The following PIK3R3 variants were observed in gnomAD, a reference collection of about 807,000 sequenced individuals.
The protein encoded by PIK3R3 is phosphatidylinositol 3-kinase regulatory subunit gamma.
Under a neutral mutation model 62.9 loss-of-function variants are expected in PIK3R3, and 64 were observed. That is an observed-to-expected ratio of 1.02 (90% CI 0.83 to 1.25). The LOEUF is 1.25. Among genes scored for constraint, PIK3R3 ranks in the 50% most tolerant of loss-of-function variants. PIK3R3 has a pLI of 0.00. For missense variants in PIK3R3, 614 were observed against 561.6 expected (o/e 1.09, Z -0.94); for synonymous variants, 165 against 189.0 (o/e 0.87, Z 1.04).
chr1:46,065,413 T>C (rs1284232912), intron 5 of PIK3R3, among the ~76,000 whole-genome samples: 1 of 152,234 alleles, frequency 6.6e-6, no homozygotes, highest in Non-Finnish European at 1.5e-5. Flanking sequence ...CTAAGTCTAC[T>C]AGTAAGCCCA....
At chr1:46,172,301 C>T in the PIK3R3 span, among the ~76,000 whole-genome samples, 1 of 152,264 alleles carries the variant, frequency 6.6e-6, no homozygotes, top group East Asian at 1.9e-4. Flanking sequence ...TGGCCTGCCT[C>T]CCAGGGATTG....
chr1:46,161,728 A>C, the PIK3R3 span, among the ~76,000 whole-genome samples: 1 of 152,126 alleles, frequency 6.6e-6, no homozygotes, highest in African/African-American at 2.4e-5. Context: ...TCTGGGCAAC[A>C]GAACAAGACC....
In PIK3R3 at chr1:46,132,011, T is replaced by C. The variant is rs1204709448; in HGVS notation, c.-59A>G. ...TAGAAGGCATATATTTTTTATCTGG[T>C]ATTTAAAAATCTAAAAATATATATC... On this transcript the variant is annotated 5_prime_UTR_variant, in exon 1 of 10. In the 5' UTR this introduces an upstream ATG that the reference lacks. Transcript: ENST00000262741. 7.6e-6 allele frequency: 12 copies of C among 1,583,526 alleles called. No homozygotes were observed. The highest frequency in any genetic ancestry group is 2.8e-5 in the African/African-American group (2 of 72,718).
intron 1 of PIK3R3, among the ~76,000 whole-genome samples, chr1:46,112,725 G>A (rs188463646): frequency 5.9e-5 from 9 of 152,026 alleles, no homozygotes; most frequent in Admixed American, 2.0e-4. Flanking sequence ...ACTATCATCC[G>A]CTCTAGTCCC....
intron 1 of PIK3R3, among the ~76,000 whole-genome samples, chr1:46,125,796 T>C (rs1655038793): frequency 6.6e-6 from 1 of 151,722 alleles, no homozygotes; most frequent in Admixed American, 6.6e-5. Flanking sequence ...AGTCTTACTC[T>C]GTTGCCCAGG....
chr1:46,125,225 C>T lies in PIK3R3; in HGVS notation c.106+6622G>A, dbSNP rs72677551. ...ACTTCTAGTGAAACATAGTTGGATA[C>T]ACTATACATTATAATATATTAAATG... On this transcript the variant is annotated intron_variant, in intron 1 of 9. Transcript: ENST00000262741. 7.5e-3 allele frequency among the ~76,000 whole-genome samples: 1,143 copies of T among 152,068 alleles called. 12 individuals carry two copies. Among genetic ancestry groups the T allele is most frequent in the South Asian group, 0.036 (172 of 4,814 alleles).
intron 1 of PIK3R3, among the ~76,000 whole-genome samples, chr1:46,092,449 C>T (rs193162334): frequency 5.3e-4 from 80 of 152,248 alleles, no homozygotes; most frequent in East Asian, 4.1e-3. Flanking sequence ...CTGCAACCTC[C>T]ACCTCCCAGA....
intron 1 of PIK3R3, among the ~76,000 whole-genome samples, chr1:46,089,118 A>C (rs560520717): frequency 3.9e-5 from 6 of 152,298 alleles, no homozygotes; most frequent in African/African-American, 1.4e-4. Context: ...CTCCTGAATG[A>C]TGTGCTCCAC....
intron 7 of PIK3R3, chr1:46,047,120 G>A (rs1452274803): frequency 6.5e-6 from 1 of 153,960 alleles, no homozygotes; most frequent in Non-Finnish European, 1.4e-5. Context: ...TAATTAATAT[G>A]AGTGAACTTC....
At chr1:46,083,225 T>A (rs1650766948) in intron 1 of PIK3R3, among the ~76,000 whole-genome samples, 1 of 152,188 alleles carries the variant, frequency 6.6e-6, no homozygotes, top group Non-Finnish European at 1.5e-5. Context: ...TGAAGTTGGA[T>A]CCCTGCCTCA....
chr1:46,107,210 C>G (rs955945347), intron 1 of PIK3R3, among the ~76,000 whole-genome samples: 2 of 151,988 alleles, frequency 1.3e-5, no homozygotes, highest in Non-Finnish European at 2.9e-5. Context: ...ATTAGCCAGG[C>G]ATGGTGGCAG....
At chr1:46,144,412 G>A in the PIK3R3 span, among the ~76,000 whole-genome samples, 1 of 152,122 alleles carries the variant, frequency 6.6e-6, no homozygotes, top group Admixed American at 6.5e-5. Flanking sequence ...TATAAATGGA[G>A]AGCCATATAC....
rs146660595 is a variant in PIK3R3, at chr1:46,052,980, T to C, written c.941+2815A>G. On this transcript the variant is annotated intron_variant, in intron 7 of 9. Transcript: ENST00000262741. ...ACTCAGTATCATGCAGCAATGCTAA[T>C]ATGAGACACGTATTTTACTACCAGT... Among the ~76,000 whole-genome samples the C allele has an allele frequency of 2.0e-3, 302 of 152,314 alleles. 1 individual carries two copies. Among genetic ancestry groups the C allele is most frequent in the African/African-American group, 6.7e-3 (280 of 41,556 alleles).
At chr1:46,136,680 C>T (rs543889020), upstream of PIK3R3, among the ~76,000 whole-genome samples, 149 of 152,312 alleles carry the variant, frequency 9.8e-4, no homozygotes, top group African/African-American at 3.3e-3. Context: ...TTATACACCT[C>T]AGCATGTGAT....
At chr1:46,132,636 CA>C, upstream of PIK3R3, 1 of 1,289,748 alleles carries the variant, frequency 7.8e-7, no homozygotes, top group Non-Finnish European at 1.0e-6. Flanking sequence ...GCCCGGACTC[CA>C]GCCACTAGAG....
intron 7 of PIK3R3, among the ~76,000 whole-genome samples, chr1:46,048,674 C>G (rs1006176427): frequency 2.0e-5 from 3 of 152,102 alleles, no homozygotes; most frequent in Non-Finnish European, 4.4e-5. Context: ...CTGAGCCTCC[C>G]TTTCTGCCAC....
chr1:46,155,397 T>C, the PIK3R3 span, among the ~76,000 whole-genome samples: 2 of 151,116 alleles, frequency 1.3e-5, no homozygotes, highest in Non-Finnish European at 2.9e-5. Flanking sequence ...TACATCTCTG[T>C]ATAGCCAGTG....
In PIK3R3 at chr1:46,045,905, A is replaced by C. The variant is rs1168867798; in HGVS notation, c.1187+13T>G. On this transcript the variant is annotated intron_variant, in intron 9 of 9. Coordinates refer to ENST00000262741, the MANE Select transcript of PIK3R3 (RefSeq NM_003629.4). ...AAAGATTTCAAAAGGTTATATCCCC[A>C]GAGAAGACTTACACCACAGAGCAAG... 2 of 1,605,590 alleles carry C rather than the reference A, an allele frequency of 1.2e-6. No homozygotes were observed. The highest frequency in any genetic ancestry group is 4.5e-5 in the East Asian group (2 of 44,784).
intron 6 of PIK3R3, among the ~76,000 whole-genome samples, chr1:46,057,766 G>C (rs931588343): frequency 7.9e-5 from 12 of 152,140 alleles, no homozygotes; most frequent in African/African-American, 2.7e-4. Context: ...GAGGTGACGT[G>C]GGTGCTCTTA....
Sources: gnomAD v4.1 joint callset for allele counts (sites outside exome capture counted in the v4.1 genomes callset) on GRCh38, gnomAD v4.1.1 for gene constraint, MANE v1.5 for transcripts, NCBI Gene and HGNC (gene_info 2026-07-23, HGNC 2026-07-21) for gene names.